The following MAP7D3 variants were observed in gnomAD, a reference collection of about 807,000 sequenced individuals.
MAP7D3 encodes the protein MAP7 domain containing 3.
A neutral mutation model predicts 62.2 loss-of-function variants in MAP7D3; 45 were observed. The observed-to-expected ratio is 0.72, with a 90% CI of 0.57 to 0.93. The LOEUF (loss-of-function observed/expected upper bound fraction) is 0.93, where lower values mean the gene tolerates loss of function less well. MAP7D3 is among the 40% of genes least tolerant of loss of function. The pLI is 0.00. For synonymous variants in MAP7D3, 288 were observed against 248.8 expected, an observed-to-expected ratio of 1.16 and a Z score of -1.48; for missense variants, 711 against 683.1, an observed-to-expected ratio of 1.04 and a Z score of -0.45.
chrX:136,249,102 T>C (rs1027088211), intron 1 of MAP7D3, among the ~76,000 whole-genome samples: 10 of 111,791 alleles, frequency 8.9e-5, no homozygotes, highest in African/African-American at 3.3e-4. Flanking sequence ...CATTTAGAGC[T>C]GTCTACAATG....
upstream of MAP7D3, among the ~76,000 whole-genome samples, chrX:136,254,726 C>A (rs907598914): frequency 3.6e-5 from 4 of 111,449 alleles, no homozygotes; most frequent in Non-Finnish European, 5.6e-5. Context: ...ACTGTGGGAA[C>A]CACCTCCAAA....
chrX:136,242,810 C>T (rs1330742879), intron 4 of MAP7D3, among the ~76,000 whole-genome samples: 1 of 111,966 alleles, frequency 8.9e-6, no homozygotes, highest in Non-Finnish European at 1.9e-5. Context: ...GTTCTTTCTT[C>T]GTTTATCATT....
In MAP7D3 at chrX:136,231,607, G is replaced by A. The variant is rs2074267795; in HGVS notation, c.1350C>T (p.Pro450=). 1 of 1,210,149 alleles carries A rather than the reference G, an allele frequency of 8.3e-7. No homozygotes were observed. ...CCATGCTTGCTTCAAGGGATGTCTT[G>A]GGGGATGCTTTCACCATCGCCTCAG... ...ASPEAMVKAS[P]KTSLEASMEA... Residue 450 remains proline (P), a synonymous_variant, in exon 8 of 19, where the codon CCC becomes CCT. Transcript: ENST00000316077.
At chrX:136,235,387 G>C in intron 7 of MAP7D3, among the ~76,000 whole-genome samples, 1 of 112,262 alleles carries the variant, frequency 8.9e-6, no homozygotes, top group Middle Eastern at 4.6e-3. Flanking sequence ...GTAAAGGAAT[G>C]GTTTGGTATG....
rs1358567347 is a variant in MAP7D3 at position 136,218,372 on chromosome X, T to A, written c.*154A>T. On this transcript the variant is annotated 3_prime_UTR_variant, in exon 19 of 19. Transcript: ENST00000316077. The stretch of plus-strand genomic sequence containing the variant: ...TTGACAGTTTCTTTCAATTTTTCGG[T>A]GTCACTTCCTTTACCAGGTTCAAGT... The A allele has an allele frequency of 1.8e-5, 2 of 112,434 alleles. No individual in the cohort carries two copies. The highest frequency in any genetic ancestry group is 3.8e-5 in the Non-Finnish European group (2 of 53,267). The allele number at this position is 112,434 out of a possible 1,213,427, so 9.3% of individuals were successfully genotyped here. A position where few individuals can be genotyped will look rare whatever the true frequency, so the allele number is the denominator to read the frequency against.
At chrX:136,237,543 G>A (rs1457394715) in intron 6 of MAP7D3, among the ~76,000 whole-genome samples, 2 of 111,899 alleles carry the variant, frequency 1.8e-5, no homozygotes, top group African/African-American at 3.2e-5. Context: ...ATTAATTATA[G>A]CATTCATCAT....
intron 12 of MAP7D3, among the ~76,000 whole-genome samples, chrX:136,226,510 A>G (rs1444636697): frequency 1.8e-5 from 2 of 112,131 alleles, no homozygotes; most frequent in African/African-American, 6.5e-5. Flanking sequence ...TTGGGCATTT[A>G]TTTACCCAGT....
At position 136,227,374 on chromosome X, in the gene MAP7D3, G is replaced by GTCT; in HGVS notation, c.1941_1943dup (p.Glu647dup). 1 of 1,198,398 alleles carries GTCT rather than the reference G, an allele frequency of 8.3e-7. No individual in the cohort carries two copies. ...GCTGCCCATCTTTGAGTTTCAAGTG[G>GTCT]TCTTCTGCTTGGCCTCCAACTGCTT... On this transcript the variant is annotated inframe_insertion, in exon 12 of 19. Transcript: ENST00000316077.
downstream of MAP7D3, among the ~76,000 whole-genome samples, chrX:136,215,817 A>G (rs1025600221): frequency 4.5e-5 from 5 of 111,939 alleles, no homozygotes; most frequent in Non-Finnish European, 9.4e-5. Context: ...AGTATAAAAG[A>G]GCACAATTAA....
At position 136,230,477 on chromosome X, in the gene MAP7D3, C is replaced by T; in HGVS notation, c.1658G>A (p.Ser553Asn). The part of the protein sequence containing the change: ...MPIQHTLSVQ[S>N]ASSTVKKKKE... ...TTTCTTTTTGACAGTACTTGATGCA[C>T]TTTGCACAGACAGGGTGTGTTGAAT... The change falls in exon 10 of 19, where the codon AGT (serine) becomes AAT (asparagine). Residue 553 changes from serine (S) to asparagine (N), a missense_variant. Physicochemically the swap from Ser to Asn is conservative, Grantham distance 46 (BLOSUM62 1). Coordinates refer to ENST00000316077, the MANE Select transcript of MAP7D3 (RefSeq NM_024597.4). 1.7e-6 allele frequency: 2 copies of T among 1,189,816 alleles called. No homozygotes were observed. The highest frequency in any genetic ancestry group is 3.5e-5 in the South Asian group (2 of 56,430).
At chrX:136,225,348 G>A (rs1484530537) in intron 13 of MAP7D3, among the ~76,000 whole-genome samples, 1 of 111,522 alleles carries the variant, frequency 9.0e-6, no homozygotes, top group East Asian at 2.8e-4. Flanking sequence ...GGAAGGACAG[G>A]AATTCTCTCT....
chrX:136,242,987 A>G (rs2074405954), intron 4 of MAP7D3, among the ~76,000 whole-genome samples: 1 of 111,618 alleles, frequency 9.0e-6, no homozygotes, highest in Admixed American at 9.6e-5. Context: ...AAAAGGGTTC[A>G]GAAAGGGAGA....
chrX:136,229,993 A>ATATTT (rs1210531192), intron 10 of MAP7D3, among the ~76,000 whole-genome samples: 109 of 48,106 alleles, frequency 2.3e-3, no homozygotes, highest in African/African-American at 8.8e-3. Context: ...ATATATATAT[A>ATATTT]TTTTTTTTTT....
At chrX:136,256,415 T>C (rs945150128) in exon 1 of MAP7D3, 6 of 936,725 alleles carry the variant, frequency 6.4e-6, no homozygotes, top group Non-Finnish European at 7.4e-6. Context: ...CCCTCCTTCC[T>C]GTGGCACAGA....
chrX:136,215,697 T>C (rs1158022873), downstream of MAP7D3, among the ~76,000 whole-genome samples: 3 of 112,041 alleles, frequency 2.7e-5, no homozygotes, highest in African/African-American at 6.5e-5. Context: ...GCCAAAAAGG[T>C]TGGGGACTGC....
In MAP7D3 at chrX:136,220,781, G is replaced by T. The variant is rs764924415; in HGVS notation, c.2470C>A (p.Gln824Lys). 8.3e-7 allele frequency: 1 copy of T among 1,207,938 alleles called. No individual in the cohort carries two copies. The highest frequency in any genetic ancestry group is 1.1e-6 in the Non-Finnish European group (1 of 892,231). Reference protein sequence around the residue: ...RQKSMKDTSIQEVVSRPSSKR... With the variant: ...RQKSMKDTSIKEVVSRPSSKR... ...GTGACTCACCTTGAAACTACTTCCT[G>T]TATTGAAGTGTCTTTCATGCTTTTT... is the stretch of plus-strand genomic sequence containing the variant. The change falls in exon 16 of 19, where the codon CAG (glutamine) becomes AAG (lysine). Residue 824 changes from glutamine to lysine, a missense_variant. Coordinates refer to ENST00000316077, the MANE Select transcript of MAP7D3 (RefSeq NM_024597.4).
At position 136,232,159 on chromosome X, in the gene MAP7D3, G is replaced by A. The variant is rs751310438; in HGVS notation, c.798C>T (p.Ser266=). 1.1e-5 allele frequency: 13 copies of A among 1,206,302 alleles called. No individual in the cohort carries two copies. The highest frequency in any genetic ancestry group is 8.8e-5 in the South Asian group (5 of 56,733). ...GAAACATAACAGCCCTCAATTCGTC[G>A]CTAGTACATTTACGCAAGGGTACAG... ...YVTVPLRKCT[S]DELRAVMFPM... is the part of the protein sequence containing the mutation. Residue 266 remains serine, a synonymous_variant, in exon 8 of 19, where the codon AGC becomes AGT. Transcript: ENST00000316077.
chrX:136,220,663 G>A (rs1238758873), intron 16 of MAP7D3, 102 bp downstream of exon 16: 1 of 675,148 alleles, frequency 1.5e-6, no homozygotes, highest in African/African-American at 2.2e-5. Context: ...CATGGTGTTT[G>A]GTACAAACTA....
At chrX:136,226,209 C>T (rs1024862744) in intron 12 of MAP7D3, among the ~76,000 whole-genome samples, 196 bp from the exon 13 acceptor site, 11 of 110,870 alleles carry the variant, frequency 9.9e-5, no homozygotes, top group Non-Finnish European at 1.9e-4. Flanking sequence ...CAAAGCTAGG[C>T]TAAATGTTAT....
Sources: gnomAD v4.1 joint callset for allele counts (sites outside exome capture counted in the v4.1 genomes callset) on GRCh38, gnomAD v4.1.1 for gene constraint, MANE v1.5 for transcripts, NCBI Gene and HGNC (gene_info 2026-07-23, HGNC 2026-07-21) for gene names.